NKAIN2: variants seen among roughly 807,000 people sequenced by gnomAD.
NKAIN2 encodes sodium/potassium transporting ATPase interacting 2.
A neutral mutation model predicts 32.6 loss-of-function variants in NKAIN2; 14 were observed. The ratio of observed to expected loss-of-function variants is 0.43; its 90% CI spans 0.28 to 0.67. NKAIN2 has a LOEUF of 0.67. Among genes scored for constraint, NKAIN2 ranks in the 30% least tolerant of loss-of-function variants. The probability of loss-of-function intolerance (pLI) is 0.17; values close to 1 mark genes in which losing one functional copy is unlikely to be tolerated. For missense variants in NKAIN2, 198 were observed against 258.3 expected, an observed-to-expected ratio of 0.77 and a Z score of 1.60; for synonymous variants, 80 against 87.2, an observed-to-expected ratio of 0.92 and a Z score of 0.46.
intron 1 of NKAIN2, among the ~76,000 whole-genome samples, chr6:124,274,796 G>A (rs1007600806): frequency 3.3e-5 from 5 of 151,786 alleles, no homozygotes; most frequent in Non-Finnish European, 7.4e-5. Flanking sequence ...AAAAAGGTGG[G>A]AGATTTGTGT....
intron 1 of NKAIN2, among the ~76,000 whole-genome samples, chr6:124,143,793 A>G (rs1238451098): frequency 6.6e-6 from 1 of 152,226 alleles, no homozygotes; most frequent in African/African-American, 2.4e-5. Context: ...TAAAATGTAT[A>G]TACCTATCAT....
chr6:124,603,886 G>C (rs2875762), intron 3 of NKAIN2, among the ~76,000 whole-genome samples: 42,753 of 151,822 alleles, frequency 0.28, 6,537 homozygotes, highest in African/African-American at 0.4. Flanking sequence ...TTCTCAGCAA[G>C]GTTGGTCTCA....
intron 3 of NKAIN2, among the ~76,000 whole-genome samples, chr6:124,619,428 A>G (rs1783028422): frequency 6.6e-6 from 1 of 152,162 alleles, no homozygotes; most frequent in South Asian, 2.1e-4. Context: ...AAATAATAAA[A>G]TATTTTATTT....
intron 1 of NKAIN2, among the ~76,000 whole-genome samples, chr6:124,012,404 C>T (rs1359342462): frequency 3.5e-5 from 5 of 144,892 alleles, no homozygotes; most frequent in Non-Finnish European, 7.4e-5. Flanking sequence ...GGTGCGATCT[C>T]GGCTCACTGC....
chr6:124,086,230 T>C (rs1343021729), intron 1 of NKAIN2, among the ~76,000 whole-genome samples: 1 of 151,980 alleles, frequency 6.6e-6, no homozygotes, highest in Non-Finnish European at 1.5e-5. Context: ...AATGAAATGA[T>C]TATGAGGATG....
intron 1 of NKAIN2, among the ~76,000 whole-genome samples, chr6:123,845,913 C>G (rs1437730731): frequency 6.6e-6 from 1 of 152,106 alleles, no homozygotes; most frequent in Non-Finnish European, 1.5e-5. Context: ...ATACAAATTA[C>G]TTCCCTTTTT....
intron 1 of NKAIN2, among the ~76,000 whole-genome samples, chr6:123,877,938 T>C (rs1013877656): frequency 6.6e-6 from 1 of 152,204 alleles, no homozygotes; most frequent in Admixed American, 6.5e-5. Flanking sequence ...TAATAAATTG[T>C]AATTATCGCC....
At chr6:124,127,384 A>G (rs1480281460) in intron 1 of NKAIN2, among the ~76,000 whole-genome samples, 2 of 152,172 alleles carry the variant, frequency 1.3e-5, no homozygotes, top group African/African-American at 2.4e-5. Context: ...GATTCTTAGA[A>G]CCTGCTTCAT....
At chr6:124,622,763 C>T (rs928582786) in intron 3 of NKAIN2, among the ~76,000 whole-genome samples, 20 of 152,116 alleles carry the variant, frequency 1.3e-4, no homozygotes, top group Non-Finnish European at 2.1e-4. Context: ...AACTCCTCTC[C>T]GACAACCCCC....
intron 1 of NKAIN2, among the ~76,000 whole-genome samples, chr6:124,044,537 G>A (rs1438467703): frequency 6.6e-6 from 1 of 152,024 alleles, no homozygotes; most frequent in Non-Finnish European, 1.5e-5. Flanking sequence ...CCCAAAGACT[G>A]GAAGTTTCTT....
chr6:124,447,356 A>G (rs1026134544), intron 3 of NKAIN2, among the ~76,000 whole-genome samples: 1 of 152,178 alleles, frequency 6.6e-6, no homozygotes, highest in Non-Finnish European at 1.5e-5. Context: ...CTGAATAAAA[A>G]TAAATTTTTA....
intron 4 of NKAIN2, among the ~76,000 whole-genome samples, chr6:124,736,142 AAG>A (rs1186400654): frequency 6.6e-6 from 1 of 151,968 alleles, no homozygotes; most frequent in Admixed American, 6.6e-5. Context: ...AATGATAAGA[AAG>A]AGAAACATCC....
chr6:124,171,860 T>A (rs541781049), intron 1 of NKAIN2, among the ~76,000 whole-genome samples: 1 of 150,564 alleles, frequency 6.6e-6, no homozygotes, highest in South Asian at 2.1e-4. Flanking sequence ...CTCTTTTTTT[T>A]TTTTGAGAGA....
intron 2 of NKAIN2, among the ~76,000 whole-genome samples, 180 bp from the exon 3 acceptor site, chr6:124,355,083 GGAAA>G (rs1186195480): frequency 7.2e-6 from 1 of 139,650 alleles, no homozygotes; most frequent in Non-Finnish European, 1.6e-5. Context: ...AAAAAAAAAA[GGAAA>G]GAAGGAAAAA....
At chr6:123,903,633 T>TG (rs1488870200) in intron 1 of NKAIN2, among the ~76,000 whole-genome samples, 2 of 152,164 alleles carry the variant, frequency 1.3e-5, no homozygotes, top group African/African-American at 4.8e-5. Flanking sequence ...AGAGTCCTCT[T>TG]GAAGTCTGTA....
At chr6:124,175,851 C>T (rs1789128667) in intron 1 of NKAIN2, among the ~76,000 whole-genome samples, 1 of 152,096 alleles carries the variant, frequency 6.6e-6, no homozygotes, top group South Asian at 2.1e-4. Flanking sequence ...TGTGAATGTA[C>T]ATCTCTCTCT....
intron 3 of NKAIN2, among the ~76,000 whole-genome samples, chr6:124,601,401 G>C (rs1213498166): frequency 1.3e-5 from 2 of 152,056 alleles, no homozygotes; most frequent in Non-Finnish European, 2.9e-5. Flanking sequence ...TAGCAAGTCA[G>C]CTCCTTTTTT....
intron 1 of NKAIN2, among the ~76,000 whole-genome samples, chr6:124,124,303 T>C (rs1786043121): frequency 6.6e-6 from 1 of 152,132 alleles, no homozygotes; most frequent in Non-Finnish European, 1.5e-5. Context: ...AGTAGCTACC[T>C]CAATAAATCA....
intron 4 of NKAIN2, among the ~76,000 whole-genome samples, chr6:124,666,706 A>C (rs989890506): frequency 1.3e-5 from 2 of 152,158 alleles, no homozygotes; most frequent in African/African-American, 4.8e-5. Context: ...GCAAAGTGCA[A>C]GAACTTAAAC....
Sources: allele counts gnomAD v4.1 joint callset (sites outside exome capture counted in the v4.1 genomes callset), GRCh38; gene constraint gnomAD v4.1.1; transcripts MANE v1.5; gene names NCBI Gene and HGNC (gene_info 2026-07-23, HGNC 2026-07-21).